Variants in PKP4 observed in about 807,000 individuals in gnomAD.
The protein encoded by PKP4 is plakophilin-4.
A neutral mutation model predicts 145.1 loss-of-function variants in PKP4; 90 were observed. The ratio of observed to expected loss-of-function variants is 0.62; its 90% CI spans 0.52 to 0.74. PKP4 has a LOEUF of 0.74. Ranked by LOEUF, PKP4 falls within the 30% of genes least tolerant of loss-of-function variation. PKP4 has a pLI of 0.00. For synonymous variants in PKP4, 563 were observed against 577.2 expected, an observed-to-expected ratio of 0.98 and a Z score of 0.35; for missense variants, 1,340 against 1,482.7, an observed-to-expected ratio of 0.90 and a Z score of 1.58.
intron 1 of PKP4, among the ~76,000 whole-genome samples, chr2:158,512,067 G>A (rs2041567680): frequency 6.6e-6 from 1 of 152,158 alleles, no homozygotes; most frequent in Admixed American, 6.5e-5. Flanking sequence ...TATGCATTTG[G>A]ATGCAGCTAT....
chr2:158,536,798 T>C (rs6437186), intron 2 of PKP4, among the ~76,000 whole-genome samples: 139,039 of 152,276 alleles, frequency 0.91, 63,536 homozygotes, highest in East Asian at 0.98. Flanking sequence ...AGAAAGAATC[T>C]TTGCTACTTG....
chr2:158,463,894 C>T (rs1017641101), intron 1 of PKP4, among the ~76,000 whole-genome samples: 4 of 152,220 alleles, frequency 2.6e-5, no homozygotes, highest in African/African-American at 7.2e-5. Context: ...GTGTCTTGTG[C>T]GGTAGTGGTG....
At chr2:158,486,663 A>C in intron 1 of PKP4, among the ~76,000 whole-genome samples, 1 of 152,244 alleles carries the variant, frequency 6.6e-6, no homozygotes, top group African/African-American at 2.4e-5. Flanking sequence ...AGGCATAATA[A>C]GTTAGGACCT....
intron 2 of PKP4, among the ~76,000 whole-genome samples, chr2:158,576,887 G>A (rs1313044757): frequency 4.6e-5 from 7 of 152,070 alleles, no homozygotes. Flanking sequence ...CTGACATATA[G>A]TATAAGAAAT....
intron 4 of PKP4, among the ~76,000 whole-genome samples, chr2:158,609,894 G>A (rs1167441350): frequency 6.6e-6 from 1 of 152,150 alleles, no homozygotes; most frequent in Non-Finnish European, 1.5e-5. Flanking sequence ...AAAACAAAAA[G>A]CCCAAGTTTC....
chr2:158,620,399 A>C (rs2052099701), intron 4 of PKP4, among the ~76,000 whole-genome samples: 1 of 152,216 alleles, frequency 6.6e-6, no homozygotes, highest in South Asian at 2.1e-4. Context: ...GCTGGAAGAA[A>C]CAATGGTTAG....
chr2:158,577,747 T>G (rs1402854965), intron 3 of PKP4, among the ~76,000 whole-genome samples: 1 of 152,212 alleles, frequency 6.6e-6, no homozygotes, highest in Non-Finnish European at 1.5e-5. Flanking sequence ...AAGAAATATT[T>G]CTAAATAAGA....
chr2:158,651,447 C>G (rs2055356525), intron 11 of PKP4, among the ~76,000 whole-genome samples: 1 of 152,032 alleles, frequency 6.6e-6, no homozygotes, highest in South Asian at 2.1e-4. Context: ...TCACCCCCTC[C>G]CTGGGATAAC....
At chr2:158,549,664 T>C (rs2045418628) in intron 2 of PKP4, among the ~76,000 whole-genome samples, 1 of 152,130 alleles carries the variant, frequency 6.6e-6, no homozygotes, top group African/African-American at 2.4e-5. Flanking sequence ...GAGGTAAAGA[T>C]TGATTCAACT....
intron 1 of PKP4, among the ~76,000 whole-genome samples, chr2:158,502,218 C>A (rs1049171147): frequency 6.6e-6 from 1 of 152,038 alleles, no homozygotes; most frequent in Admixed American, 6.6e-5. Flanking sequence ...ATGAGCCAAT[C>A]ATATTTTAGG....
intron 3 of PKP4, among the ~76,000 whole-genome samples, chr2:158,578,963 T>A (rs2048098211): frequency 6.6e-6 from 1 of 152,182 alleles, no homozygotes; most frequent in Non-Finnish European, 1.5e-5. Flanking sequence ...AGGTGGATTT[T>A]ATACCCATAG....
chr2:158,629,183 A>G lies in PKP4; in HGVS notation c.1154-2570A>G, dbSNP rs935897790. 3.9e-5 allele frequency among the ~76,000 whole-genome samples: 6 copies of G among 152,312 alleles called. No individual in the cohort carries two copies. In the East Asian group the frequency reaches 9.6e-4, roughly 24 times the overall value. On this transcript the variant is annotated intron_variant, in intron 7 of 21. Coordinates refer to ENST00000389759, the MANE Select transcript of PKP4 (RefSeq NM_003628.6). ...CAATAGCAATCACAGTGTCATCTTT[A>G]AAGTTGGTTTCCATGGCCCCCTCCT...
chr2:158,670,276 A>G (rs1405880447), intron 17 of PKP4, among the ~76,000 whole-genome samples: 4 of 152,194 alleles, frequency 2.6e-5, no homozygotes, highest in African/African-American at 9.7e-5. Context: ...CAGGGCACCA[A>G]CAGATTTGGT....
intron 11 of PKP4, 43 bp downstream of exon 11, chr2:158,642,742 A>C: frequency 6.9e-7 from 1 of 1,444,152 alleles, no homozygotes; most frequent in South Asian, 1.3e-5. Flanking sequence ...AATGTTGAAA[A>C]CAGTCTGGAC....
intron 13 of PKP4, chr2:158,661,804 G>A (rs1337120499): frequency 5.1e-6 from 1 of 194,762 alleles, no homozygotes; most frequent in Admixed American, 5.7e-5. Flanking sequence ...GTTCCTGGTT[G>A]AGGCACTGTA....
At chr2:158,535,700 T>C (rs1373116734) in intron 2 of PKP4, among the ~76,000 whole-genome samples, 1 of 152,144 alleles carries the variant, frequency 6.6e-6, no homozygotes, top group Non-Finnish European at 1.5e-5. Context: ...GGATTATAAG[T>C]GTGAGCCAGT....
At chr2:158,592,547 G>A (rs1372644988) in intron 3 of PKP4, among the ~76,000 whole-genome samples, 1 of 151,924 alleles carries the variant, frequency 6.6e-6, no homozygotes, top group African/African-American at 2.4e-5. Flanking sequence ...TTTAACAAGT[G>A]TATTATGCTC....
intron 2 of PKP4, among the ~76,000 whole-genome samples, chr2:158,535,949 T>C (rs990987132): frequency 5.3e-5 from 8 of 152,218 alleles, no homozygotes; most frequent in Non-Finnish European, 1.0e-4. Context: ...CTCAGTTTGC[T>C]CATTTATAAG....
intron 13 of PKP4, 93 bp downstream of exon 13, chr2:158,661,543 C>A (rs892039633): frequency 2.5e-6 from 2 of 808,540 alleles, no homozygotes; most frequent in Admixed American, 1.8e-5. Flanking sequence ...TTCTGACCTG[C>A]GGATCCTGTC....
Sources: gnomAD v4.1 joint callset for allele counts (sites outside exome capture counted in the v4.1 genomes callset) on GRCh38, gnomAD v4.1.1 for gene constraint, MANE v1.5 for transcripts, NCBI Gene and HGNC (gene_info 2026-07-23, HGNC 2026-07-21) for gene names.